The following AKT3 variants were observed in gnomAD, a reference collection of about 807,000 sequenced individuals.
AKT3 encodes AKT serine/threonine kinase 3.
A neutral mutation model predicts 65.3 loss-of-function variants in AKT3; 15 were observed. The observed-to-expected ratio is 0.23, with a 90% CI of 0.15 to 0.35. The LOEUF is 0.35. Ranked by LOEUF, AKT3 falls within the 10% of genes least tolerant of loss-of-function variation. The pLI, the probability that AKT3 is intolerant of heterozygous loss-of-function variation, is 1.00. For missense variants in AKT3, 243 were observed against 576.5 expected, an observed-to-expected ratio of 0.42 and a Z score of 5.92; for synonymous variants, 206 against 183.8, an observed-to-expected ratio of 1.12 and a Z score of -0.98.
At chr1:243,567,336 C>A (rs549159773) in intron 9 of AKT3, among the ~76,000 whole-genome samples, 1 of 152,156 alleles carries the variant, frequency 6.6e-6, no homozygotes, top group East Asian at 1.9e-4. Flanking sequence ...GAGACAGGGT[C>A]TCGCTCTGTT....
At chr1:243,753,958 T>C (rs1688968012) in intron 2 of AKT3, among the ~76,000 whole-genome samples, 1 of 152,206 alleles carries the variant, frequency 6.6e-6, no homozygotes, top group Non-Finnish European at 1.5e-5. Flanking sequence ...TATACTGTCT[T>C]GAATTATTCT....
In AKT3 at chr1:243,620,452, T is replaced by TGC. The variant is rs1407676286; in HGVS notation, c.562-5292_562-5291insGC. 1.9e-3 allele frequency among the ~76,000 whole-genome samples: 295 copies of TGC among 151,586 alleles called. 114 individuals are homozygous for TGC. The highest frequency in any genetic ancestry group is 2.8e-3 in the Non-Finnish European group (189 of 67,740). ...AGTGATATGACACACTTTTACAAAT[T>TGC]AAACAATGATTACCAGTGATTATTA... On this transcript the variant is annotated intron_variant, in intron 6 of 13. Coordinates refer to ENST00000673466, the MANE Select transcript of AKT3 (RefSeq NM_005465.7).
intron 2 of AKT3, among the ~76,000 whole-genome samples, chr1:243,717,743 T>A (rs1238945647): frequency 6.6e-6 from 1 of 152,178 alleles, no homozygotes; most frequent in Non-Finnish European, 1.5e-5. Context: ...AACTGCCCCA[T>A]AGGTTACTTT....
chr1:243,524,651 T>C (rs1376506152), intron 12 of AKT3, among the ~76,000 whole-genome samples: 2 of 152,178 alleles, frequency 1.3e-5, no homozygotes, highest in Non-Finnish European at 2.9e-5. Context: ...GATACTTCCT[T>C]GCATGAATAC....
chr1:243,846,718 GA>G (rs1171214656), intron 1 of AKT3, among the ~76,000 whole-genome samples: 2 of 152,122 alleles, frequency 1.3e-5, no homozygotes, highest in African/African-American at 4.8e-5. Context: ...TGATGCTATG[GA>G]AATTATTGTA....
chr1:243,800,487 A>G (rs1692312758), intron 2 of AKT3, among the ~76,000 whole-genome samples: 1 of 152,236 alleles, frequency 6.6e-6, no homozygotes, highest in Admixed American at 6.5e-5. Flanking sequence ...TGGTAGGCCA[A>G]GGTGGGCGGA....
intron 2 of AKT3, among the ~76,000 whole-genome samples, chr1:243,708,471 TTAAAA>T (rs2148066677): frequency 6.6e-6 from 1 of 152,140 alleles, no homozygotes; most frequent in Non-Finnish European, 1.5e-5. Flanking sequence ...AACAAATTTC[TTAAAA>T]TGAAATGGGC....
intron 12 of AKT3, among the ~76,000 whole-genome samples, chr1:243,544,267 A>C (rs1029629148): frequency 8.5e-5 from 11 of 129,664 alleles, no homozygotes; most frequent in South Asian, 2.9e-4. Flanking sequence ...AAAAAAAAGC[A>C]GGGGGAGGGG....
intron 3 of AKT3, among the ~76,000 whole-genome samples, chr1:243,681,205 A>C (rs778797582): frequency 2.0e-5 from 3 of 152,190 alleles, no homozygotes; most frequent in Non-Finnish European, 4.4e-5. Flanking sequence ...AGTAACATTA[A>C]ATATATCTTA....
chr1:243,521,297 T>A (rs1220660027), intron 12 of AKT3, among the ~76,000 whole-genome samples: 1 of 152,208 alleles, frequency 6.6e-6, no homozygotes, highest in Admixed American at 6.5e-5. Flanking sequence ...CATGTTTAGA[T>A]TTCCCAGAGA....
At chr1:243,803,645 T>TAC (rs72379577) in intron 2 of AKT3, among the ~76,000 whole-genome samples, 1,867 of 136,684 alleles carry the variant, frequency 0.014, 33 homozygotes, top group African/African-American at 0.034. Flanking sequence ...GACGTACATG[T>TAC]ACACACACAC....
intron 11 of AKT3, among the ~76,000 whole-genome samples, chr1:243,549,073 C>T (rs529604910): frequency 6.6e-6 from 1 of 152,240 alleles, no homozygotes; most frequent in Non-Finnish European, 1.5e-5. Flanking sequence ...CTACCCTTGC[C>T]ACTACTGCCT....
At chr1:243,563,955 C>G in intron 9 of AKT3, 107 bp from the exon 10 acceptor site, 1 of 1,120,086 alleles carries the variant, frequency 8.9e-7, no homozygotes, top group Non-Finnish European at 1.2e-6. Flanking sequence ...GGAAACAGGA[C>G]ATAGTTGTAG....
rs76920194 is a variant in AKT3, at chr1:243,575,883, T to C, written c.697-2835A>G. ...TAATACTAAAGAGGAAAAATAGCAA[T>C]GGCAAGAAAACACATGTAGGGAACA... On this transcript the variant is annotated intron_variant, in intron 8 of 13. Transcript: ENST00000673466. Among the ~76,000 whole-genome samples the C allele has an allele frequency of 4.5e-3, 690 of 152,028 alleles. 1 individual carries two copies. The highest frequency in any genetic ancestry group is 0.016 in the African/African-American group (643 of 41,460).
intron 2 of AKT3, among the ~76,000 whole-genome samples, chr1:243,777,658 A>T (rs776508975): frequency 9.9e-5 from 15 of 152,176 alleles, no homozygotes; most frequent in Non-Finnish European, 1.5e-4. Context: ...TGGGATTTGG[A>T]AATGTGGCTG....
intron 2 of AKT3, among the ~76,000 whole-genome samples, chr1:243,770,577 A>T (rs897125712): frequency 3.3e-5 from 5 of 152,140 alleles, no homozygotes; most frequent in African/African-American, 9.6e-5. Context: ...ATCAGAGTGG[A>T]ATCCTTTGTA....
intron 2 of AKT3, among the ~76,000 whole-genome samples, chr1:243,772,367 A>G (rs1438981310): frequency 6.6e-6 from 1 of 152,148 alleles, no homozygotes; most frequent in Non-Finnish European, 1.5e-5. Flanking sequence ...CATCAAAAAA[A>G]CAGGCAAAGG....
At chr1:243,655,944 C>A (rs1322079152) in intron 4 of AKT3, among the ~76,000 whole-genome samples, 2 of 152,134 alleles carry the variant, frequency 1.3e-5, no homozygotes, top group East Asian at 3.8e-4. Flanking sequence ...AAATCTTAGC[C>A]TTATCAGCTC....
chr1:243,642,597 C>T (rs1002759440), intron 5 of AKT3, among the ~76,000 whole-genome samples: 2 of 152,224 alleles, frequency 1.3e-5, no homozygotes, highest in Admixed American at 6.5e-5. Flanking sequence ...GCGTGAGCCA[C>T]CACGCCCAGC....
Sources: allele counts gnomAD v4.1 joint callset (sites outside exome capture counted in the v4.1 genomes callset), GRCh38; gene constraint gnomAD v4.1.1; transcripts MANE v1.5; gene names NCBI Gene and HGNC (gene_info 2026-07-23, HGNC 2026-07-21).